The following EVC2 variants were observed in gnomAD, a reference collection of about 807,000 sequenced individuals.
EVC2 encodes the protein EvC ciliary complex subunit 2.
In EVC2, 148 loss-of-function variants were observed where a neutral mutation model predicts 149.3. The ratio of observed to expected loss-of-function variants is 0.99; its 90% CI spans 0.87 to 1.14. The LOEUF is 1.14. EVC2 is among the 50% of genes most tolerant of loss of function. The probability of loss-of-function intolerance (pLI) is 0.00; values close to 1 mark genes in which losing one functional copy is unlikely to be tolerated. For missense variants in EVC2, 1,854 were observed against 1,627.3 expected (o/e 1.14, Z -2.40); for synonymous variants, 776 against 649.9 (o/e 1.19, Z -2.95).
intron 9 of EVC2, among the ~76,000 whole-genome samples, chr4:5,653,518 G>A (rs1212152933): frequency 6.6e-6 from 1 of 152,194 alleles, no homozygotes; most frequent in Non-Finnish European, 1.5e-5. Flanking sequence ...CTTAACTCAT[G>A]AGCTGGGACA....
chr4:5,615,680 G>A, intron 15 of EVC2, 136 bp from the exon 16 acceptor site: 1 of 1,267,620 alleles, frequency 7.9e-7, no homozygotes, highest in Non-Finnish European at 1.1e-6. Flanking sequence ...GGCCAGAGAG[G>A]GGAGGAGAGA....
At chr4:5,683,358 G>A (rs1215169363) in intron 6 of EVC2, among the ~76,000 whole-genome samples, 1 of 152,276 alleles carries the variant, frequency 6.6e-6, no homozygotes, top group Non-Finnish European at 1.5e-5. Context: ...AGCCTAAAGC[G>A]TGCTATCAAA....
the EVC2 span, among the ~76,000 whole-genome samples, chr4:5,532,184 G>A: frequency 2.3e-3 from 344 of 152,154 alleles, 5 homozygotes; most frequent in South Asian, 0.048. Context: ...AAGCAGGAAG[G>A]CTAGAGACCC....
chr4:5,672,940 G>T (rs1719743251), intron 7 of EVC2, among the ~76,000 whole-genome samples: 1 of 152,304 alleles, frequency 6.6e-6, no homozygotes, highest in East Asian at 1.9e-4. Context: ...AATGTACAGG[G>T]TCGGCAAATC....
At position 5,569,042 on chromosome 4, in the gene EVC2, G is replaced by A. The variant is rs1250260317; in HGVS notation, c.3361-402C>T. 6.6e-6 allele frequency among the ~76,000 whole-genome samples: 1 copy of A among 152,220 alleles called. No homozygotes were observed. The highest frequency in any genetic ancestry group is 1.5e-5 in the Non-Finnish European group (1 of 68,048). On this transcript the variant is annotated intron_variant, in intron 19 of 21. Transcript: ENST00000344408. This position sits in a 1 kb window ranked among gnomAD's most constrained non-coding sequence, Gnocchi z 4.8. ...AGTGTCCCTAAACCAGTGGACAATT[G>A]AAGACACTGTGCTATACCCATGCCA... is the stretch of plus-strand genomic sequence containing the variant.
At chr4:5,546,741 G>T (rs1352956189) in intron 21 of EVC2, among the ~76,000 whole-genome samples, 1 of 151,774 alleles carries the variant, frequency 6.6e-6, no homozygotes, top group Non-Finnish European at 1.5e-5. Flanking sequence ...AAAAAAAAGG[G>T]AACTGACATA....
chr4:5,564,010 C>T (rs1394254491), intron 21 of EVC2, among the ~76,000 whole-genome samples: 1 of 152,150 alleles, frequency 6.6e-6, no homozygotes, highest in Non-Finnish European at 1.5e-5. Context: ...GAGCCCTATA[C>T]ATCCTGAAAG....
intron 9 of EVC2, among the ~76,000 whole-genome samples, chr4:5,650,626 TATATATATATATAGAGAGAGAGAG>T (rs1215407136): frequency 7.2e-5 from 6 of 83,266 alleles, no homozygotes; most frequent in African/African-American, 2.1e-4. Flanking sequence ...TATATATATA[TATATATATATATAGAGAGAGAGAG>T]AGAGAGAGAG....
chr4:5,587,916 G>A (rs139408782), intron 16 of EVC2, among the ~76,000 whole-genome samples: 201 of 152,208 alleles, frequency 1.3e-3, no homozygotes, highest in African/African-American at 4.4e-3. Context: ...CGGGCTGTCT[G>A]CTTGTGGATT....
chr4:5,608,976 A>G (rs1382214544), intron 16 of EVC2, among the ~76,000 whole-genome samples: 1 of 152,100 alleles, frequency 6.6e-6, no homozygotes, highest in African/African-American at 2.4e-5. Flanking sequence ...TGGGATATCC[A>G]TCTTCTCCTT....
intron 1 of EVC2, among the ~76,000 whole-genome samples, chr4:5,704,502 C>T (rs13140960): frequency 0.29 from 44,154 of 151,860 alleles, 7,791 homozygotes; most frequent in Admixed American, 0.4. Context: ...TGCAGATCCA[C>T]GGTGGAGCTC....
At chr4:5,652,635 A>G (rs1718228765) in intron 9 of EVC2, among the ~76,000 whole-genome samples, 1 of 151,930 alleles carries the variant, frequency 6.6e-6, no homozygotes, top group Non-Finnish European at 1.5e-5. Context: ...GTGGATAAAA[A>G]CCCCAGGGTG....
intron 16 of EVC2, among the ~76,000 whole-genome samples, chr4:5,593,705 C>T (rs1378896183): frequency 6.6e-6 from 1 of 152,094 alleles, no homozygotes; most frequent in East Asian, 1.9e-4. Context: ...CTAGGGAGTG[C>T]CAGACACTGG....
At position 5,636,384 on chromosome 4, in the gene EVC2, T is replaced by C. The variant is rs1339442562; in HGVS notation, c.1470+4130A>G. Among the ~76,000 whole-genome samples the C allele has an allele frequency of 6.6e-6, 1 of 152,224 alleles. No individual in the cohort carries two copies. The highest frequency in any genetic ancestry group is 1.5e-5 in the Non-Finnish European group (1 of 68,044). On this transcript the variant is annotated intron_variant, in intron 10 of 21. Coordinates refer to ENST00000344408, the MANE Select transcript of EVC2 (RefSeq NM_147127.5). This position sits in a 1 kb window ranked among gnomAD's most constrained non-coding sequence, Gnocchi z 4.6. ...TCTGTGGGTTCTGCATCCATAAATA[T>C]AACCACCTGCAGGTCAAAAATTTCT... is the stretch of plus-strand genomic sequence containing the variant.
chr4:5,580,921 TAGTG>T (rs1577113568), intron 17 of EVC2, among the ~76,000 whole-genome samples: 2 of 152,114 alleles, frequency 1.3e-5, no homozygotes, highest in East Asian at 1.9e-4. Flanking sequence ...GATCTTATGA[TAGTG>T]AGTGAGTTGT....
chr4:5,623,712 G>A (rs1053249819), intron 13 of EVC2, among the ~76,000 whole-genome samples: 8 of 152,230 alleles, frequency 5.3e-5, no homozygotes, highest in African/African-American at 9.6e-5. Flanking sequence ...TGTATTTGCC[G>A]AGTAGGTAAA....
chr4:5,686,150 C>A lies in EVC2; in HGVS notation c.707-671G>T, dbSNP rs985287034. On this transcript the variant is annotated intron_variant, in intron 5 of 21. Coordinates refer to ENST00000344408, the MANE Select transcript of EVC2 (RefSeq NM_147127.5). The surrounding 1 kb of genome is among the most constrained non-coding windows in gnomAD (Gnocchi z 5.4). ...CACAGAGTAAAGAAAAGAGGAGGAA[C>A]GCTCACTTAGCCTAAGGAATCACTG... Among the ~76,000 whole-genome samples, 3 of 139,960 alleles carry A rather than the reference C, an allele frequency of 2.1e-5. No homozygotes were observed. Among genetic ancestry groups the A allele is most frequent in the African/African-American group, 8.6e-5 (3 of 35,004 alleles). The allele number at this position is 139,960 out of a possible 152,430, so 91.8% of individuals were successfully genotyped here. A position where few individuals can be genotyped will look rare whatever the true frequency, so the allele number is the denominator to read the frequency against.
In EVC2 at chr4:5,568,466, G is replaced by A; in HGVS notation, c.3535C>T (p.Gln1179Ter). 2 of 1,569,892 alleles carry A rather than the reference G, an allele frequency of 1.3e-6. No homozygotes were observed. The highest frequency in any genetic ancestry group is 1.7e-6 in the Non-Finnish European group (2 of 1,165,086). The stretch of plus-strand genomic sequence containing the variant: ...CACCTCCGCCTGCCCACGTCGGCCT[G>A]CTCCGCTCCGCCATCGCTCTCAGCT... ...HAAESDGGAE[Q>*]ADVGRRRKHQ... The change falls in exon 20 of 22, where the codon CAG becomes TAG. Residue 1179 changes from glutamine to a stop codon, truncating the protein, a stop_gained. Coordinates refer to ENST00000344408, the MANE Select transcript of EVC2 (RefSeq NM_147127.5). LOFTEE classifies it high-confidence loss of function.
chr4:5,689,200 C>A lies in EVC2; in HGVS notation c.663G>T (p.Arg221Ser), dbSNP rs753207027. The change falls in exon 5 of 22, where the codon AGG becomes AGT. Residue 221 changes from arginine to serine, a missense_variant. Transcript: ENST00000344408. ...TAAAAGCCTGGAATCCTTCCGAGGT[C>A]CTGTTTCCCACAGAGTCCCAAATGG... ...GLTIWDSVGN[R>S]TSEGFQAFSK... The A allele has an allele frequency of 5.6e-6, 9 of 1,614,236 alleles. No individual in the cohort carries two copies. In the Admixed American group the frequency reaches 1.3e-4, roughly 24 times the overall value.
Sources: allele counts gnomAD v4.1 joint callset (sites outside exome capture counted in the v4.1 genomes callset), GRCh38; gene constraint gnomAD v4.1.1; non-coding constraint Gnocchi (gnomAD v3.1); transcripts MANE v1.5; gene names NCBI Gene and HGNC (gene_info 2026-07-23, HGNC 2026-07-21).